ACAP2: variants seen among roughly 807,000 people sequenced by gnomAD.
The protein encoded by ACAP2 is arf-GAP with coiled-coil, ANK repeat and PH domain-containing protein 2.
In ACAP2, 39 loss-of-function variants were observed where a neutral mutation model predicts 115.8. The ratio of observed to expected loss-of-function variants is 0.34; its 90% CI spans 0.26 to 0.44. The LOEUF is 0.44. Ranked by LOEUF, ACAP2 falls within the 20% of genes least tolerant of loss-of-function variation. ACAP2 has a pLI of 1.00. For missense variants in ACAP2, 662 were observed against 927.6 expected (o/e 0.71, Z 3.72); for synonymous variants, 289 against 315.8 (o/e 0.92, Z 0.90).
chr3:195,310,172 T>C (rs1728672388), intron 10 of ACAP2, among the ~76,000 whole-genome samples: 1 of 152,232 alleles, frequency 6.6e-6, no homozygotes, highest in South Asian at 2.1e-4. Flanking sequence ...GCTGTTCTCA[T>C]GTCATGACTA....
rs1726150700 is a variant in ACAP2 at position 195,275,294 on chromosome 3, A to G, written c.*4034T>C. On this transcript the variant is annotated 3_prime_UTR_variant, in exon 23 of 23. Transcript: ENST00000326793. ...CTCCACATTATCACATTTTAAGTGG[A>G]TAAATTTATGTAAACAGAAAAAGAT... 1 of 152,270 alleles carries G rather than the reference A, an allele frequency of 6.6e-6. No homozygotes were observed. Among genetic ancestry groups the G allele is most frequent in the Admixed American group, 6.5e-5 (1 of 15,290 alleles). 9.4% of individuals were successfully genotyped at this position (152,270 alleles called of 1,614,324 possible).
intron 9 of ACAP2, 51 bp from the exon 10 acceptor site, chr3:195,320,864 A>G: frequency 1.6e-6 from 2 of 1,275,584 alleles, no homozygotes; most frequent in South Asian, 1.3e-5. Context: ...TAAGTTTCCT[A>G]GACAAGAAAT....
chr3:195,335,185 GTCTCTCTCA>G (rs1730421751), intron 7 of ACAP2, among the ~76,000 whole-genome samples: 1 of 152,020 alleles, frequency 6.6e-6, no homozygotes, highest in African/African-American at 2.4e-5. Flanking sequence ...TTTACATACT[GTCTCTCTCA>G]TTATAATAGC....
chr3:195,347,524 G>A lies in ACAP2; in HGVS notation c.286-2207C>T, dbSNP rs1034497794. 2.0e-5 allele frequency among the ~76,000 whole-genome samples: 3 copies of A among 152,276 alleles called. No homozygotes were observed. The South Asian group carries it at 6.2e-4, about 32-fold the overall frequency. On this transcript the variant is annotated intron_variant, in intron 4 of 22. Transcript: ENST00000326793. Reference sequence around the variant, plus strand: ...ATAACTACTTTATGGAAGAAAATCAGAACAGGACTTGCCTTTGGAGGTGTG... The same window carrying A: ...ATAACTACTTTATGGAAGAAAATCAAAACAGGACTTGCCTTTGGAGGTGTG...
chr3:195,413,682 G>A (rs1196066021), intron 1 of ACAP2, among the ~76,000 whole-genome samples: 1 of 152,130 alleles, frequency 6.6e-6, no homozygotes, highest in Non-Finnish European at 1.5e-5. Flanking sequence ...CCAGGAGGCG[G>A]AGGCTACAGT....
intron 1 of ACAP2, among the ~76,000 whole-genome samples, chr3:195,399,995 A>G (rs1712135698): frequency 6.6e-6 from 1 of 152,036 alleles, no homozygotes. Context: ...CCTGACCAAC[A>G]TGATGAAACC....
intron 4 of ACAP2, among the ~76,000 whole-genome samples, chr3:195,380,103 T>C (rs574144045): frequency 5.5e-4 from 83 of 152,186 alleles, no homozygotes; most frequent in African/African-American, 2.0e-3. Flanking sequence ...AAGTTAAACA[T>C]AGAATTACCA....
rs1277754660 is a variant in ACAP2, at chr3:195,424,261, G to GTATATATATA, written c.53+18524_53+18533dup. On this transcript the variant is annotated intron_variant, in intron 1 of 22. Coordinates refer to ENST00000326793, the MANE Select transcript of ACAP2 (RefSeq NM_012287.6). ...GTGTGTGTGGTGTGTGTGTGTGTGT[G>GTATATATATA]TATATATATATATATATATATATTT... Among the ~76,000 whole-genome samples, 38 of 54,664 alleles carry GTATATATATA rather than the reference G, an allele frequency of 7.0e-4. 1 individual carries two copies. The highest frequency in any genetic ancestry group is 4.3e-3 in the South Asian group (6 of 1,410). 35.9% of individuals were successfully genotyped at this position (54,664 alleles called of 152,430 possible).
At chr3:195,288,726 A>G (rs1432732625) in intron 21 of ACAP2, among the ~76,000 whole-genome samples, 1 of 151,922 alleles carries the variant, frequency 6.6e-6, no homozygotes, top group Non-Finnish European at 1.5e-5. Context: ...GTTGTGGTGG[A>G]TCACGCCTGT....
At chr3:195,374,645 A>G (rs1241385422) in intron 4 of ACAP2, among the ~76,000 whole-genome samples, 1 of 152,214 alleles carries the variant, frequency 6.6e-6, no homozygotes, top group African/African-American at 2.4e-5. Flanking sequence ...CAATAATTTG[A>G]AAGGATCATC....
Position 195,431,654 on chromosome 3 carries a change from T to C in ACAP2, c.53+11141A>G, listed in dbSNP as rs560307167. Among the ~76,000 whole-genome samples the C allele has an allele frequency of 6.1e-4, 92 of 151,546 alleles. 1 individual carries two copies. Among genetic ancestry groups the C allele is most frequent in the Middle Eastern group, 6.8e-3 (2 of 294 alleles). On this transcript the variant is annotated intron_variant, in intron 1 of 22. Transcript: ENST00000326793. ...AGTAGAGATGGGGTTTCACTATGTTTGGCAGGATGGTCTCGATCTCCTGAC... is the reference window on the plus strand; with the variant it reads ...AGTAGAGATGGGGTTTCACTATGTTCGGCAGGATGGTCTCGATCTCCTGAC...
At chr3:195,329,036 C>T (rs1396989592) in intron 8 of ACAP2, among the ~76,000 whole-genome samples, 1 of 148,906 alleles carries the variant, frequency 6.7e-6, no homozygotes, top group Non-Finnish European at 1.5e-5. Flanking sequence ...GCCAAGATCA[C>T]GCCACTGTAC....
intron 20 of ACAP2, among the ~76,000 whole-genome samples, chr3:195,291,166 A>G (rs9840346): frequency 0.47 from 71,686 of 152,136 alleles, 18,480 homozygotes; most frequent in Middle Eastern, 0.69. Context: ...TCTTTCATGT[A>G]TACTTCCTAA....
chr3:195,437,093 G>T (rs1715600487), intron 1 of ACAP2, among the ~76,000 whole-genome samples: 1 of 152,128 alleles, frequency 6.6e-6, no homozygotes, highest in African/African-American at 2.4e-5. Flanking sequence ...TGTCTTCCAA[G>T]GTGGAGTACA....
chr3:195,300,660 T>G (rs1560216843), intron 15 of ACAP2, among the ~76,000 whole-genome samples: 1 of 152,182 alleles, frequency 6.6e-6, no homozygotes, highest in African/African-American at 2.4e-5. Context: ...AAGTTTAGTA[T>G]AGCAATAGAC....
intron 13 of ACAP2, among the ~76,000 whole-genome samples, chr3:195,304,871 T>C (rs1728318517): frequency 1.3e-5 from 2 of 152,226 alleles, no homozygotes; most frequent in Non-Finnish European, 2.9e-5. Context: ...AAGTTTTTAG[T>C]GCCTAACACT....
At chr3:195,400,635 A>G (rs578183220) in intron 1 of ACAP2, among the ~76,000 whole-genome samples, 1 of 152,194 alleles carries the variant, frequency 6.6e-6, no homozygotes, top group Non-Finnish European at 1.5e-5. Context: ...TTAAAGGGTT[A>G]GAATCAAATT....
At chr3:195,346,362 C>T (rs912176914) in intron 4 of ACAP2, among the ~76,000 whole-genome samples, 2 of 152,024 alleles carry the variant, frequency 1.3e-5, no homozygotes, top group African/African-American at 2.4e-5. Flanking sequence ...ATTGATAAAC[C>T]TCTAACCACA....
At chr3:195,362,503 ATCAG>A (rs1209597543) in intron 4 of ACAP2, among the ~76,000 whole-genome samples, 1 of 152,014 alleles carries the variant, frequency 6.6e-6, no homozygotes, top group East Asian at 1.9e-4. Flanking sequence ...TGATACCAAA[ATCAG>A]ACAGAGATGC....
Sources: allele counts gnomAD v4.1 joint callset (sites outside exome capture counted in the v4.1 genomes callset), GRCh38; gene constraint gnomAD v4.1.1; transcripts MANE v1.5; gene names NCBI Gene and HGNC (gene_info 2026-07-23, HGNC 2026-07-21).